GRID2: variants seen among roughly 807,000 people sequenced by gnomAD.
The protein encoded by GRID2 is glutamate receptor ionotropic, delta-2.
In GRID2, 33 loss-of-function variants were observed where a neutral mutation model predicts 114.8. The observed-to-expected ratio is 0.29, with a 90% CI of 0.22 to 0.38. The LOEUF (loss-of-function observed/expected upper bound fraction) is 0.38, where lower values mean the gene tolerates loss of function less well. GRID2 is among the 10% of genes least tolerant of loss of function. The pLI is 1.00. For missense variants in GRID2, 1,184 were observed against 1,257.7 expected (o/e 0.94, Z 0.89); for synonymous variants, 505 against 449.9 (o/e 1.12, Z -1.55).
Position 92,337,823 on chromosome 4 carries a change from A to T in GRID2, c.88+33079A>T, listed in dbSNP as rs537765889. ...TAGGCAAATAAATGGTTCCAGAAGA[A>T]GTCTTTCCTGAGCCAGATTCCAACG... On this transcript the variant is annotated intron_variant, in intron 1 of 15. Transcript: ENST00000282020. Among the ~76,000 whole-genome samples the T allele has an allele frequency of 2.0e-5, 3 of 152,330 alleles. No individual in the cohort carries two copies. The East Asian group carries it at 5.8e-4, about 29-fold the overall frequency.
At chr4:93,357,064 C>G (rs1454291386) in intron 8 of GRID2, among the ~76,000 whole-genome samples, 1 of 151,070 alleles carries the variant, frequency 6.6e-6, no homozygotes, top group African/African-American at 2.4e-5. Context: ...GTTTTTATAG[C>G]TAGGATTTAG....
intron 8 of GRID2, among the ~76,000 whole-genome samples, chr4:93,360,734 TTG>T (rs1761810279): frequency 6.6e-6 from 1 of 151,058 alleles, no homozygotes; most frequent in South Asian, 2.1e-4. Context: ...GATATCCAAT[TTG>T]TTTTATAATT....
intron 1 of GRID2, among the ~76,000 whole-genome samples, chr4:92,549,316 A>G (rs1055747240): frequency 6.6e-6 from 1 of 152,126 alleles, no homozygotes; most frequent in African/African-American, 2.4e-5. Context: ...CATTAATGTG[A>G]TCTGAGATAT....
At chr4:92,338,634 T>A (rs1440845296) in intron 1 of GRID2, among the ~76,000 whole-genome samples, 2 of 152,088 alleles carry the variant, frequency 1.3e-5, no homozygotes, top group Non-Finnish European at 2.9e-5. Context: ...AACATAGCTA[T>A]CTATCTAAAA....
intron 2 of GRID2, among the ~76,000 whole-genome samples, chr4:92,596,710 G>GCTCACA (rs1258686122): frequency 4.6e-5 from 7 of 151,074 alleles, no homozygotes; most frequent in African/African-American, 1.7e-4. Context: ...AAAAAAAACA[G>GCTCACA]CTCACACAAA....
chr4:93,668,419 T>A (rs1724127470), intron 14 of GRID2, among the ~76,000 whole-genome samples: 1 of 152,116 alleles, frequency 6.6e-6, no homozygotes, highest in East Asian at 1.9e-4. Flanking sequence ...TTATAATTCC[T>A]ATTGCTACCT....
intron 1 of GRID2, among the ~76,000 whole-genome samples, chr4:92,457,844 G>C (rs962998734): frequency 6.6e-6 from 1 of 152,186 alleles, no homozygotes; most frequent in Non-Finnish European, 1.5e-5. Flanking sequence ...GCAAGGATTT[G>C]TGTAGCACTC....
chr4:92,488,180 C>G (rs1722984304), intron 1 of GRID2, among the ~76,000 whole-genome samples: 1 of 152,100 alleles, frequency 6.6e-6, no homozygotes, highest in South Asian at 2.1e-4. Context: ...CAATTCCTGT[C>G]AAATGTTTGG....
chr4:93,402,848 A>G (rs190246946), intron 9 of GRID2, among the ~76,000 whole-genome samples: 5 of 152,262 alleles, frequency 3.3e-5, no homozygotes, highest in African/African-American at 1.2e-4. Context: ...AACTAAACAA[A>G]TGCCTCCAGT....
At chr4:93,040,894 TTGC>T (rs1335501260) in intron 2 of GRID2, among the ~76,000 whole-genome samples, 1 of 152,140 alleles carries the variant, frequency 6.6e-6, no homozygotes, top group Non-Finnish European at 1.5e-5. Flanking sequence ...GATCCTACTT[TTGC>T]ATTCTATCTT....
chr4:92,658,107 A>C (rs2149266941), intron 2 of GRID2, among the ~76,000 whole-genome samples: 1 of 151,924 alleles, frequency 6.6e-6, no homozygotes, highest in African/African-American at 2.4e-5. Flanking sequence ...AAGAAATATT[A>C]AAACAATTAA....
At chr4:92,834,321 TAAA>T (rs1437672960) in intron 2 of GRID2, among the ~76,000 whole-genome samples, 1 of 152,180 alleles carries the variant, frequency 6.6e-6, no homozygotes, top group East Asian at 1.9e-4. Context: ...GCAAAGATAA[TAAA>T]ACCATTTTTC....
intron 12 of GRID2, among the ~76,000 whole-genome samples, chr4:93,508,085 C>A (rs1362777003): frequency 1.3e-5 from 2 of 151,946 alleles, no homozygotes; most frequent in African/African-American, 4.8e-5. Context: ...TGCAGCACAC[C>A]AGCATGGCAC....
chr4:92,383,959 G>T (rs1452098539), intron 1 of GRID2, among the ~76,000 whole-genome samples: 1 of 151,926 alleles, frequency 6.6e-6, no homozygotes, highest in African/African-American at 2.4e-5. Context: ...TGGTATTTAA[G>T]ATGGTAAAGT....
chr4:93,099,104 ATAAT>A (rs1731481257), intron 3 of GRID2, among the ~76,000 whole-genome samples: 1 of 151,474 alleles, frequency 6.6e-6, no homozygotes, highest in Non-Finnish European at 1.5e-5. Context: ...CTTAAACCAA[ATAAT>A]TTGGTCAAGT....
chr4:93,128,815 A>C (rs1278241484), intron 4 of GRID2, among the ~76,000 whole-genome samples: 1 of 152,200 alleles, frequency 6.6e-6, no homozygotes, highest in African/African-American at 2.4e-5. Context: ...GCTACAAAAA[A>C]ATTCACAAAT....
intron 1 of GRID2, among the ~76,000 whole-genome samples, chr4:93,795,979 C>T (rs772243714): frequency 5.3e-5 from 8 of 152,166 alleles, no homozygotes; most frequent in Non-Finnish European, 1.0e-4. Flanking sequence ...GCCCGGAGTT[C>T]TCTTCCAAGT....
intron 2 of GRID2, among the ~76,000 whole-genome samples, chr4:93,042,010 C>T (rs972123420): frequency 6.6e-5 from 10 of 152,042 alleles, no homozygotes; most frequent in African/African-American, 2.4e-4. Flanking sequence ...TCACACCATT[C>T]TCCTGCCTCA....
chr4:93,054,336 T>A (rs1727019689), intron 2 of GRID2, among the ~76,000 whole-genome samples: 1 of 71,304 alleles, frequency 1.4e-5, no homozygotes, highest in African/African-American at 4.1e-5. Flanking sequence ...TTGGTAGTAT[T>A]TTTATATTAT....
Sources: gnomAD v4.1 joint callset for allele counts (sites outside exome capture counted in the v4.1 genomes callset) on GRCh38, gnomAD v4.1.1 for gene constraint, MANE v1.5 for transcripts, NCBI Gene and HGNC (gene_info 2026-07-23, HGNC 2026-07-21) for gene names.